The following GALNT16 variants were observed in gnomAD, a reference collection of about 807,000 sequenced individuals.
GALNT16 encodes UDP-GalNAc:polypeptide N-acetylgalactosaminyltransferase-like protein 1.
In GALNT16, 40 loss-of-function variants were observed where a neutral mutation model predicts 76.1. The observed-to-expected ratio is 0.53, with a 90% CI of 0.41 to 0.68. The LOEUF (loss-of-function observed/expected upper bound fraction) is 0.68. Among genes scored for constraint, GALNT16 ranks in the 30% least tolerant of loss-of-function variants. The probability of loss-of-function intolerance (pLI) is 0.00; values close to 1 mark genes in which losing one functional copy is unlikely to be tolerated. For missense variants in GALNT16, 621 were observed against 731.9 expected (o/e 0.85, Z 1.75); for synonymous variants, 276 against 285.2 (o/e 0.97, Z 0.32).
At chr14:69,327,785 G>C (rs1355641597) in intron 5 of GALNT16, among the ~76,000 whole-genome samples, 1 of 152,238 alleles carries the variant, frequency 6.6e-6, no homozygotes, top group Non-Finnish European at 1.5e-5. Context: ...GACCAGGCAG[G>C]TCTCCGCCCA....
intron 3 of GALNT16, 139 bp downstream of exon 3, chr14:69,324,929 A>G (rs8022290): frequency 3.4e-6 from 2 of 583,492 alleles, no homozygotes; most frequent in East Asian, 2.9e-5. Context: ...GAGACTGGTG[A>G]ATCAGGGCCA....
chr14:69,324,384 G>A (rs1363737368), intron 2 of GALNT16, among the ~76,000 whole-genome samples: 1 of 152,132 alleles, frequency 6.6e-6, no homozygotes, highest in Non-Finnish European at 1.5e-5. Flanking sequence ...GGGGCCTGGT[G>A]CAGTATCTGT....
intron 1 of GALNT16, among the ~76,000 whole-genome samples, chr14:69,287,283 C>G (rs189340381): frequency 1.3e-5 from 2 of 152,324 alleles, no homozygotes; most frequent in African/African-American, 2.4e-5. Flanking sequence ...CCTGTTGGTT[C>G]CCTGGGGACA....
the GALNT16 span, among the ~76,000 whole-genome samples, chr14:69,371,958 T>A: frequency 1.1e-4 from 16 of 151,880 alleles, no homozygotes; most frequent in East Asian, 1.9e-3. Flanking sequence ...AATAAAAAAA[T>A]AAATAATAAA....
the GALNT16 span, among the ~76,000 whole-genome samples, chr14:69,385,868 T>C: frequency 6.6e-6 from 1 of 152,184 alleles, no homozygotes; most frequent in Non-Finnish European, 1.5e-5. Flanking sequence ...CTTCTGCATT[T>C]GGCTTCCAGG....
intron 1 of GALNT16, among the ~76,000 whole-genome samples, chr14:69,305,516 T>C (rs1477473499): frequency 1.3e-5 from 2 of 152,162 alleles, no homozygotes; most frequent in Admixed American, 1.3e-4. Context: ...ATTAGTGATA[T>C]TGAGCATTTT....
chr14:69,314,221 C>A (rs1375590682), intron 1 of GALNT16, among the ~76,000 whole-genome samples: 2 of 152,222 alleles, frequency 1.3e-5, no homozygotes, highest in African/African-American at 4.8e-5. Flanking sequence ...TAATAATAAT[C>A]ACAATTTATG....
In GALNT16 at chr14:69,326,550, G is replaced by C. The variant is rs558875267; in HGVS notation, c.568+523G>C. Among the ~76,000 whole-genome samples, 13 of 152,278 alleles carry C rather than the reference G, an allele frequency of 8.5e-5. No individual in the cohort carries two copies. The South Asian group carries it at 2.7e-3, about 32-fold the overall frequency. ...GCTGTGGTTGTGTATGAATAGCATGGATATCAGAGGAGAGCTGGAGTGAGC... is the reference window on the plus strand; with the variant it reads ...GCTGTGGTTGTGTATGAATAGCATGCATATCAGAGGAGAGCTGGAGTGAGC... On this transcript the variant is annotated intron_variant, in intron 5 of 14. Transcript: ENST00000448469.
At chr14:69,367,644 C>CAA in the GALNT16 span, among the ~76,000 whole-genome samples, 94 of 64,024 alleles carry the variant, frequency 1.5e-3, no homozygotes, top group African/African-American at 5.0e-3. Context: ...CTGTGCAAGG[C>CAA]AAAAAAAAAA....
At chr14:69,322,930 GTGT>G (rs2045213453) in intron 2 of GALNT16, among the ~76,000 whole-genome samples, 4 of 37,136 alleles carry the variant, frequency 1.1e-4, no homozygotes, top group Middle Eastern at 0.015. Context: ...CACGGGGTGT[GTGT>G]GTGTGTGTGT....
At chr14:69,359,536 A>G (rs1190470321), downstream of GALNT16, among the ~76,000 whole-genome samples, 1 of 152,218 alleles carries the variant, frequency 6.6e-6, no homozygotes, top group East Asian at 1.9e-4. Flanking sequence ...CTTTCTGGGT[A>G]CCCAGAATCT....
the GALNT16 span, among the ~76,000 whole-genome samples, chr14:69,381,090 T>C: frequency 1.3e-5 from 2 of 152,220 alleles, no homozygotes; most frequent in Admixed American, 6.5e-5. Flanking sequence ...AAGACTAGCC[T>C]GGCCAACATG....
chr14:69,303,721 C>T (rs1594836324), intron 1 of GALNT16, among the ~76,000 whole-genome samples: 1 of 152,308 alleles, frequency 6.6e-6, no homozygotes, highest in South Asian at 2.1e-4. Context: ...GTAATTTTTA[C>T]ACAACTGCAA....
chr14:69,349,312 G>T (rs889352697), intron 14 of GALNT16: 1 of 151,164 alleles, frequency 6.6e-6, no homozygotes, highest in Non-Finnish European at 1.5e-5. Flanking sequence ...AATTATCTCC[G>T]AGCAAAGCCT....
intron 1 of GALNT16, among the ~76,000 whole-genome samples, chr14:69,285,264 TCTC>T (rs2044596456): frequency 6.6e-6 from 1 of 152,064 alleles, no homozygotes; most frequent in Non-Finnish European, 1.5e-5. Context: ...ATGGTCTCGA[TCTC>T]CTGACCTCGG....
the GALNT16 span, among the ~76,000 whole-genome samples, chr14:69,368,215 GA>G: frequency 6.6e-6 from 1 of 152,076 alleles, no homozygotes; most frequent in East Asian, 1.9e-4. Flanking sequence ...TTTTATTATA[GA>G]CTCTATTAGC....
intron 2 of GALNT16, among the ~76,000 whole-genome samples, chr14:69,321,807 G>C (rs1458827900): frequency 6.6e-6 from 1 of 152,230 alleles, no homozygotes; most frequent in East Asian, 1.9e-4. Flanking sequence ...TCTGTGCTCT[G>C]TGCAGACATC....
At chr14:69,324,275 A>C (rs2045246219) in intron 2 of GALNT16, among the ~76,000 whole-genome samples, 1 of 152,098 alleles carries the variant, frequency 6.6e-6, no homozygotes, top group Non-Finnish European at 1.5e-5. Flanking sequence ...CTGGGAAGAG[A>C]GAAGGAAGAA....
intron 1 of GALNT16, among the ~76,000 whole-genome samples, chr14:69,260,847 G>A (rs1023469472): frequency 1.3e-5 from 2 of 152,036 alleles, no homozygotes; most frequent in Non-Finnish European, 2.9e-5. Context: ...GCGAGCGGGC[G>A]GTGGGAACCA....
Sources: allele counts gnomAD v4.1 joint callset (sites outside exome capture counted in the v4.1 genomes callset), GRCh38; gene constraint gnomAD v4.1.1; transcripts MANE v1.5; gene names NCBI Gene and HGNC (gene_info 2026-07-23, HGNC 2026-07-21).